LRRC9: variants seen among roughly 807,000 people sequenced by gnomAD.
LRRC9 encodes the protein leucine-rich repeat-containing protein 9.
LRRC9 carries 122 observed loss-of-function variants against 63.2 expected under a neutral mutation model. The observed-to-expected ratio is 1.93, with a 90% CI of 1.67 to 2.24. The LOEUF (loss-of-function observed/expected upper bound fraction) is 2.24. Among genes scored for constraint, LRRC9 ranks in the 30% most tolerant of loss-of-function variants. The pLI, the probability that LRRC9 is intolerant of heterozygous loss-of-function variation, is 0.00. For synonymous variants in LRRC9, 366 were observed against 213.1 expected (o/e 1.72, Z -6.25); for missense variants, 1,071 against 627.7 (o/e 1.71, Z -7.55).
chr14:60,006,669 A>G (rs1889834565), intron 22 of LRRC9, 52 bp downstream of exon 22: 2 of 555,622 alleles, frequency 3.6e-6, no homozygotes, highest in South Asian at 2.5e-5. Flanking sequence ...TTGTTTCTTT[A>G]TATTATGAAA....
chr14:59,953,326 T>C (rs570632127), intron 8 of LRRC9, among the ~76,000 whole-genome samples: 10 of 152,334 alleles, frequency 6.6e-5, no homozygotes, highest in Non-Finnish European at 1.5e-4. Context: ...ATCTGTTGTT[T>C]CCTGACTTTT....
chr14:59,940,323 TG>T (rs1263878651), intron 7 of LRRC9, among the ~76,000 whole-genome samples: 4 of 152,156 alleles, frequency 2.6e-5, no homozygotes, highest in South Asian at 2.1e-4. Context: ...TTTTAATTTA[TG>T]GATTGATATA....
At position 59,938,523 on chromosome 14, in the gene LRRC9, G is replaced by T; in HGVS notation, c.677G>T (p.Arg226Ile). 1 of 696,302 alleles carries T rather than the reference G, an allele frequency of 1.4e-6. No homozygotes were observed. The highest frequency in any genetic ancestry group is 2.6e-6 in the Non-Finnish European group (1 of 382,070). The allele number at this position is 696,302 out of a possible 1,614,324, so 43.1% of individuals were successfully genotyped here. A position where few individuals can be genotyped will look rare whatever the true frequency, so the allele number is the denominator to read the frequency against. ...TTATATCATTTGCCTTGCCTTCAAAGATTTGACACATTGGATGTGTCAGCA... is the reference window on the plus strand; with the variant it reads ...TTATATCATTTGCCTTGCCTTCAAATATTTGACACATTGGATGTGTCAGCA... The change falls in exon 7 of 32, where the codon AGA becomes ATA. Residue 226 changes from arginine (R) to isoleucine (I), a missense_variant. By Grantham distance (97) the Arg-to-Ile change is moderately conservative. Coordinates refer to ENST00000445360, the Ensembl canonical transcript of LRRC9. This position sits in a 1 kb window ranked among gnomAD's most constrained non-coding sequence, Gnocchi z 4.2.
chr14:59,943,712 T>A (rs946322856), intron 7 of LRRC9, among the ~76,000 whole-genome samples: 2 of 152,070 alleles, frequency 1.3e-5, no homozygotes, highest in African/African-American at 4.8e-5. Context: ...TATTTTGGCC[T>A]CTCATCATAC....
In LRRC9 at chr14:59,986,526, A is replaced by C. The variant is rs1314459154; in HGVS notation, c.2211+1302A>C. 1.3e-5 allele frequency among the ~76,000 whole-genome samples: 2 copies of C among 152,218 alleles called. No homozygotes were observed. Among genetic ancestry groups the C allele is most frequent in the African/African-American group, 4.8e-5 (2 of 41,468 alleles). On this transcript the variant is annotated intron_variant, in intron 17 of 31. Coordinates refer to ENST00000445360, the Ensembl canonical transcript of LRRC9. This position sits in a 1 kb window ranked among gnomAD's most constrained non-coding sequence, Gnocchi z 4.7. ...GTAGAATCCCTGAGAGTCTGGATTC[A>C]GTATGCAACTGAGGGAAAAAGGTAT...
chr14:60,054,821 G>A (rs533099776), intron 30 of LRRC9, among the ~76,000 whole-genome samples: 2 of 151,844 alleles, frequency 1.3e-5, no homozygotes, highest in South Asian at 2.1e-4. Context: ...GAATGCAGTG[G>A]TATAATCTTG....
intron 12 of LRRC9, among the ~76,000 whole-genome samples, chr14:59,972,858 T>A (rs1490360094): frequency 6.6e-6 from 1 of 152,140 alleles, no homozygotes; most frequent in Non-Finnish European, 1.5e-5. Context: ...CATCATAGTA[T>A]GAGTTATATA....
At chr14:60,052,957 C>A in intron 29 of LRRC9, 108 bp from the exon 30 acceptor site, 1 of 546,470 alleles carries the variant, frequency 1.8e-6, no homozygotes, top group Non-Finnish European at 3.3e-6. Context: ...TATAAGTTAG[C>A]TATTATTTGT....
chr14:59,966,915 C>T lies in LRRC9; in HGVS notation c.1388+150C>T. 1 of 554,990 alleles carries T rather than the reference C, an allele frequency of 1.8e-6. No individual in the cohort carries two copies. The highest frequency in any genetic ancestry group is 3.2e-6 in the Non-Finnish European group (1 of 310,576). 34.4% of individuals were successfully genotyped at this position (554,990 alleles called of 1,614,324 possible). A position where few individuals can be genotyped will look rare whatever the true frequency, so the allele number is the denominator to read the frequency against. On this transcript the variant is annotated intron_variant, in intron 11 of 31. Coordinates refer to ENST00000445360, the Ensembl canonical transcript of LRRC9. The surrounding 1 kb of genome is among the most constrained non-coding windows in gnomAD (Gnocchi z 4.0). ...ATGCATCTCCCATGGCCAGGATGAC[C>T]TCATAATTTATCCACATTGAGCCTG...
chr14:59,952,091 C>A (rs1594856686), intron 8 of LRRC9, among the ~76,000 whole-genome samples: 1 of 152,050 alleles, frequency 6.6e-6, no homozygotes, highest in Admixed American at 6.5e-5. Flanking sequence ...AGGCGCCCCT[C>A]CCCCAGCCTC....
At chr14:60,022,531 T>G (rs916412109) in intron 26 of LRRC9, among the ~76,000 whole-genome samples, 2 of 151,830 alleles carry the variant, frequency 1.3e-5, no homozygotes, top group East Asian at 3.9e-4. Flanking sequence ...CCTTATGTAC[T>G]TCTTTATTCT....
At chr14:60,066,677 G>C (rs1233984126), downstream of LRRC9, among the ~76,000 whole-genome samples, 1 of 152,162 alleles carries the variant, frequency 6.6e-6, no homozygotes, top group Non-Finnish European at 1.5e-5. Flanking sequence ...TTGCCTTTTA[G>C]AACTAGGTCA....
At position 59,942,535 on chromosome 14, in the gene LRRC9, G is replaced by A. The variant is rs1881887493; in HGVS notation, c.727-2054G>A. Among the ~76,000 whole-genome samples, 1 of 152,160 alleles carries A rather than the reference G, an allele frequency of 6.6e-6. No homozygotes were observed. The highest frequency in any genetic ancestry group is 2.1e-4 in the South Asian group (1 of 4,834). On this transcript the variant is annotated intron_variant, in intron 7 of 31. Transcript: ENST00000445360. This position sits in a 1 kb window ranked among gnomAD's most constrained non-coding sequence, Gnocchi z 5.3. ...AGGTCAGCAGTTTGTAACCAGCCTG[G>A]CCAACATGGTGAAACCCCATCTCTA...
At chr14:59,961,485 C>T (rs1489183995) in intron 10 of LRRC9, among the ~76,000 whole-genome samples, 1 of 152,040 alleles carries the variant, frequency 6.6e-6, no homozygotes, top group Non-Finnish European at 1.5e-5. Flanking sequence ...AGCAGGTTGC[C>T]AACATGGGAG....
Position 59,966,492 on chromosome 14 carries a change from T to A in LRRC9, c.1212-97T>A. On this transcript the variant is annotated intron_variant, in intron 10 of 31. Coordinates refer to ENST00000445360, the Ensembl canonical transcript of LRRC9. This position sits in a 1 kb window ranked among gnomAD's most constrained non-coding sequence, Gnocchi z 4.0. ...TATCTTTAGCAAAAGACACAAAATA[T>A]GAGCTATAACTTTTATCACGTAGTT... 3 of 461,834 alleles carry A rather than the reference T, an allele frequency of 6.5e-6. No individual in the cohort carries two copies. Among genetic ancestry groups the A allele is most frequent in the Non-Finnish European group, 1.2e-5 (3 of 260,206 alleles). The allele number at this position is 461,834 out of a possible 1,614,324, so 28.6% of individuals were successfully genotyped here.
chr14:59,977,252 T>G (rs758242624), exon 14 of LRRC9: 34 of 689,496 alleles, frequency 4.9e-5, no homozygotes, highest in Non-Finnish European at 7.3e-5. Flanking sequence ...AAAGTTTTCC[T>G]TGGCCAGAGT....
At chr14:59,996,717 A>G (rs912266185) in intron 17 of LRRC9, among the ~76,000 whole-genome samples, 1 of 152,222 alleles carries the variant, frequency 6.6e-6, no homozygotes, top group Non-Finnish European at 1.5e-5. Flanking sequence ...CTCATTGTCT[A>G]CTGTTGGAAG....
chr14:60,036,507 A>T (rs995834573), intron 29 of LRRC9, among the ~76,000 whole-genome samples: 6 of 152,200 alleles, frequency 3.9e-5, no homozygotes, highest in African/African-American at 1.4e-4. Context: ...TCTTCTGAAG[A>T]TTACGGACCA....
At position 60,036,829 on chromosome 14, in the gene LRRC9, A is replaced by G. The variant is rs150450290; in HGVS notation, c.3990+4766A>G. On this transcript the variant is annotated intron_variant, in intron 29 of 31. Coordinates refer to ENST00000445360, the Ensembl canonical transcript of LRRC9. ...TGTGCACAACGTGCAAGTTTGTTAC[A>G]TATGTATACATGCGCCATGTTGGTG... Among the ~76,000 whole-genome samples, 721 of 152,108 alleles carry G rather than the reference A, an allele frequency of 4.7e-3. 10 individuals carry two copies. Among genetic ancestry groups the G allele is most frequent in the African/African-American group, 0.017 (696 of 41,466 alleles).
Sources: gnomAD v4.1 joint callset for allele counts (sites outside exome capture counted in the v4.1 genomes callset) on GRCh38, gnomAD v4.1.1 for gene constraint, Gnocchi (gnomAD v3.1) non-coding constraint, MANE v1.5 for transcripts, NCBI Gene and HGNC (gene_info 2026-07-23, HGNC 2026-07-21) for gene names.